The following ARHGAP35 variants were observed in gnomAD, a reference collection of about 807,000 sequenced individuals.
ARHGAP35 encodes the protein Rho GTPase activating protein 35.
In ARHGAP35, 15 loss-of-function variants were observed where a neutral mutation model predicts 111.1. The observed-to-expected ratio is 0.13, with a 90% confidence interval of 0.09 to 0.21. ARHGAP35 has a LOEUF of 0.21. ARHGAP35 is among the 10% of genes least tolerant of loss of function. ARHGAP35 has a pLI of 1.00. For missense variants in ARHGAP35, 1,262 were observed against 1,873.0 expected, an observed-to-expected ratio of 0.67 and a Z score of 6.02; for synonymous variants, 643 against 710.3, an observed-to-expected ratio of 0.91 and a Z score of 1.51.
intron 1 of ARHGAP35, among the ~76,000 whole-genome samples, chr19:46,878,320 G>A (rs1192420597): frequency 6.6e-6 from 1 of 151,868 alleles, no homozygotes; most frequent in Non-Finnish European, 1.5e-5. Context: ...ATCGCGCTTG[G>A]CCTAATTTTT....
At chr19:46,975,611 C>G (rs1227619900) in intron 3 of ARHGAP35, among the ~76,000 whole-genome samples, 2 of 148,580 alleles carry the variant, frequency 1.3e-5, no homozygotes, top group Non-Finnish European at 3.0e-5. Flanking sequence ...ATCCCCAAGT[C>G]CTCTGGCAGA....
chr19:46,895,629 T>G (rs993257683), intron 1 of ARHGAP35, among the ~76,000 whole-genome samples: 1 of 152,220 alleles, frequency 6.6e-6, no homozygotes, highest in African/African-American at 2.4e-5. Flanking sequence ...AGAAATGGTC[T>G]TTATGGTTAA....
Position 47,001,334 on chromosome 19 carries a change from C to G in ARHGAP35, c.*646C>G. 7.7e-7 allele frequency: 1 copy of G among 1,290,396 alleles called. No homozygotes were observed. The highest frequency in any genetic ancestry group is 1.0e-6 in the Non-Finnish European group (1 of 989,188). 79.9% of individuals were successfully genotyped at this position (1,290,396 alleles called of 1,614,324 possible). ...GCTTCATCCCCACCGTCCCACTCCA[C>G]AGCCTTCCCGAAACATTCCCTGGCA... On this transcript the variant is annotated 3_prime_UTR_variant, in exon 7 of 7. Coordinates refer to ENST00000672722, the MANE Select transcript of ARHGAP35 (RefSeq NM_004491.5). This position sits in a 1 kb window ranked among gnomAD's most constrained non-coding sequence, Gnocchi z 5.4.
Position 47,004,797 on chromosome 19 carries a change from G to A in ARHGAP35, c.*4109G>A, listed in dbSNP as rs1000173641. On this transcript the variant is annotated 3_prime_UTR_variant, in exon 7 of 7. Transcript: ENST00000672722. ...TCTTTGTATTTTAGGGGCTTTAACC[G>A]GAACATCGTCTAGCTGGTGTTAGGA... 4 of 152,198 alleles carry A rather than the reference G, an allele frequency of 2.6e-5. No homozygotes were observed. Among genetic ancestry groups the A allele is most frequent in the South Asian group, 2.1e-4 (1 of 4,824 alleles). 9.4% of individuals were successfully genotyped at this position (152,198 alleles called of 1,614,324 possible).
At chr19:46,972,342 A>G (rs542513459) in intron 3 of ARHGAP35, among the ~76,000 whole-genome samples, 2 of 152,316 alleles carry the variant, frequency 1.3e-5, no homozygotes, top group South Asian at 2.1e-4. Context: ...ATATGCATAT[A>G]TTTTCAGCTT....
intron 3 of ARHGAP35, among the ~76,000 whole-genome samples, chr19:46,973,833 C>G (rs1231857609): frequency 6.6e-6 from 1 of 152,058 alleles, no homozygotes; most frequent in African/African-American, 2.4e-5. Flanking sequence ...TAAACCCCAT[C>G]TCTACTAAAA....
Position 46,922,862 on chromosome 19 carries a change from A to C in ARHGAP35, c.3681+506A>C, listed in dbSNP as rs149205480. On this transcript the variant is annotated intron_variant, in intron 2 of 6. Coordinates refer to ENST00000672722, the MANE Select transcript of ARHGAP35 (RefSeq NM_004491.5). The surrounding 1 kb of genome is among the most constrained non-coding windows in gnomAD (Gnocchi z 4.0). ...AAATCAGTGACGAGTCTTTGAGTAC[A>C]TAAATGAAAAAAGAGAATCTTGCCA... Among the ~76,000 whole-genome samples the C allele has an allele frequency of 2.0e-3, 299 of 152,346 alleles. 2 individuals carry two copies. Among genetic ancestry groups the C allele is most frequent in the African/African-American group, 7.0e-3 (291 of 41,580 alleles).
At chr19:46,896,748 G>A (rs1005954822) in intron 1 of ARHGAP35, among the ~76,000 whole-genome samples, 5 of 152,174 alleles carry the variant, frequency 3.3e-5, no homozygotes, top group African/African-American at 1.2e-4. Context: ...GTAAAATGGG[G>A]ATTATAATAG....
chr19:46,934,567 A>G (rs1401757347), intron 2 of ARHGAP35, among the ~76,000 whole-genome samples: 4 of 152,084 alleles, frequency 2.6e-5, no homozygotes, highest in Non-Finnish European at 5.9e-5. Context: ...GGGTTTCACT[A>G]TGTTGGCCAG....
Position 46,909,664 on chromosome 19 carries a change from A to G in ARHGAP35, c.-188-8824A>G, listed in dbSNP as rs898662755. ...GTAGGAGTAAGTGTATGTAGCCTAT[A>G]CTAGTGGGAACAACTACCCCACCAA... On this transcript the variant is annotated intron_variant, in intron 1 of 6. Coordinates refer to ENST00000672722, the MANE Select transcript of ARHGAP35 (RefSeq NM_004491.5). Among the ~76,000 whole-genome samples the G allele has an allele frequency of 3.3e-5, 5 of 152,198 alleles. No individual in the cohort carries two copies. In the East Asian group the frequency reaches 9.6e-4, roughly 29 times the overall value.
At chr19:46,987,052 T>A (rs1269081214) in intron 3 of ARHGAP35, among the ~76,000 whole-genome samples, 1 of 151,932 alleles carries the variant, frequency 6.6e-6, no homozygotes, top group Non-Finnish European at 1.5e-5. Flanking sequence ...GGTCTCGAAC[T>A]CCTGACCTCA....
chr19:46,965,656 T>G (rs2056511055), intron 3 of ARHGAP35, among the ~76,000 whole-genome samples: 1 of 152,080 alleles, frequency 6.6e-6, no homozygotes, highest in Non-Finnish European at 1.5e-5. Flanking sequence ...AGCTAATTCT[T>G]GTATTTTTTG....
chr19:46,999,375 G>A lies in ARHGAP35; in HGVS notation c.4108G>A (p.Glu1370Lys), dbSNP rs1189080194. 2.5e-6 allele frequency: 4 copies of A among 1,593,068 alleles called. No individual in the cohort carries two copies. Among genetic ancestry groups the A allele is most frequent in the Middle Eastern group, 1.7e-4 (1 of 6,026 alleles). Reference protein sequence around the residue: ...VLKKFPKENHEVFKYVISHLN... With the variant: ...VLKKFPKENHKVFKYVISHLN... The stretch of plus-strand genomic sequence containing the variant: ...AAAGAAATTTCCAAAGGAAAACCAC[G>A]AAGTCTTCAAGTATGTCATCTCTCA... Residue 1370 changes from glutamate to lysine, a missense_variant, in exon 6 of 7, where the codon GAA (glutamate) becomes AAA (lysine). By Grantham distance (56) the Glu-to-Lys change is moderately conservative. Around this residue, in one of 8 missense-constraint regions of ARHGAP35, gnomAD observed 50 missense variants for 60.5 expected, o/e 0.83. Transcript: ENST00000672722. This position sits in a 1 kb window ranked among gnomAD's most constrained non-coding sequence, Gnocchi z 5.4.
chr19:47,000,730 T>C lies in ARHGAP35; in HGVS notation c.*42T>C, dbSNP rs2056743348. 2 of 1,528,332 alleles carry C rather than the reference T, an allele frequency of 1.3e-6. No homozygotes were observed. The highest frequency in any genetic ancestry group is 1.3e-5 in the South Asian group (1 of 79,108). The allele number at this position is 1,528,332 out of a possible 1,614,324, so 94.7% of individuals were successfully genotyped here. A position where few individuals can be genotyped will look rare whatever the true frequency, so the allele number is the denominator to read the frequency against. Reference sequence around the variant, plus strand: ...GCGACAGGAGAACCGGTCCTCTCTCTGACGGGGTGGCATTTGGCCTTGAAC... The same window carrying C: ...GCGACAGGAGAACCGGTCCTCTCTCCGACGGGGTGGCATTTGGCCTTGAAC... On this transcript the variant is annotated 3_prime_UTR_variant, in exon 7 of 7. Transcript: ENST00000672722. This position sits in a 1 kb window ranked among gnomAD's most constrained non-coding sequence, Gnocchi z 6.9.
At chr19:46,933,096 CCTTTGGAAGTCCTCCAGATAAT>C (rs2056282235) in intron 2 of ARHGAP35, among the ~76,000 whole-genome samples, 1 of 150,140 alleles carries the variant, frequency 6.7e-6, no homozygotes, top group Non-Finnish European at 1.5e-5. Flanking sequence ...CCTTTAGAAA[CCTTTGGAAGTCCTCCAGATAAT>C]CAGTGATCAG....
rs759065809 is a variant in ARHGAP35, at chr19:46,919,730, T to C, written c.1055T>C (p.Ile352Thr). 6 of 1,614,004 alleles carry C rather than the reference T, an allele frequency of 3.7e-6. No homozygotes were observed. The highest frequency in any genetic ancestry group is 2.2e-5 in the East Asian group (1 of 44,886). The change falls in exon 2 of 7, where the codon ATA (isoleucine) becomes ACA (threonine). Residue 352 changes from isoleucine to threonine, a missense_variant. Ile to Thr is a moderately conservative substitution (Grantham distance 89, BLOSUM62 -1). Around this residue, in one of 8 missense-constraint regions of ARHGAP35, gnomAD observed 328 missense variants for 440.8 expected, o/e 0.74. Transcript: ENST00000672722. This position sits in a 1 kb window ranked among gnomAD's most constrained non-coding sequence, Gnocchi z 6.2. ...CTGCCATTAGCTTTTGAAGCTCTTA[T>C]ACCTAATCTAGATGAAATAGACCAC... ...AALPLAFEAL[I>T]PNLDEIDHLS... is the part of the protein sequence containing the mutation.
intron 1 of ARHGAP35, among the ~76,000 whole-genome samples, chr19:46,864,598 A>G (rs2055845660): frequency 2.0e-5 from 3 of 152,248 alleles, no homozygotes; most frequent in Admixed American, 2.0e-4. Context: ...CCATTCACTC[A>G]TCAAATATTA....
chr19:46,963,138 C>G (rs1268949103), intron 3 of ARHGAP35, among the ~76,000 whole-genome samples: 1 of 152,156 alleles, frequency 6.6e-6, no homozygotes, highest in African/African-American at 2.4e-5. Flanking sequence ...TGGTGTGCTA[C>G]CCTGATGGGA....
intron 1 of ARHGAP35, among the ~76,000 whole-genome samples, chr19:46,884,813 G>A (rs959709200): frequency 2.6e-5 from 4 of 152,040 alleles, no homozygotes; most frequent in African/African-American, 9.7e-5. Flanking sequence ...CTACAGCCTC[G>A]ACTTTCTGGG....
Sources: gnomAD v4.1 joint callset for allele counts (sites outside exome capture counted in the v4.1 genomes callset) on GRCh38, gnomAD v4.1.1 for gene constraint, gnomAD v4.1.1 regional missense constraint, Gnocchi (gnomAD v3.1) non-coding constraint, MANE v1.5 for transcripts, NCBI Gene and HGNC (gene_info 2026-07-23, HGNC 2026-07-21) for gene names.